IL19: variants seen among roughly 807,000 people sequenced by gnomAD.
IL19 encodes the protein interleukin 19, also known as interleukin-19.
A neutral mutation model predicts 19.5 loss-of-function variants in IL19; 15 were observed. The ratio of observed to expected loss-of-function variants is 0.77; its 90% confidence interval spans 0.52 to 1.19. IL19 has a LOEUF of 1.19. Among genes scored for constraint, IL19 ranks in the 50% most tolerant of loss-of-function variants. IL19 has a pLI of 0.00. For synonymous variants in IL19, 78 were observed against 78.3 expected (o/e 1.00, Z 0.02); for missense variants, 199 against 213.1 (o/e 0.93, Z 0.41).
intron 1 of IL19, among the ~76,000 whole-genome samples, chr1:206,779,513 A>G (rs1219020110): frequency 6.6e-6 from 1 of 152,142 alleles, no homozygotes; most frequent in Non-Finnish European, 1.5e-5. Context: ...TCACCCCAAC[A>G]CTGTCTCATC....
intron 2 of IL19, among the ~76,000 whole-genome samples, chr1:206,826,653 T>A (rs888623995): frequency 6.6e-6 from 1 of 152,178 alleles, no homozygotes; most frequent in African/African-American, 2.4e-5. Context: ...CCAGTACCCA[T>A]GGGAGAAGCT....
intron 1 of IL19, among the ~76,000 whole-genome samples, chr1:206,776,427 GGTGT>G (rs2234655): frequency 2.0e-4 from 29 of 148,424 alleles, no homozygotes; most frequent in African/African-American, 1.7e-4. Context: ...GAACTGCTGG[GGTGT>G]GTGTGTGTGT....
At chr1:206,772,216 G>A (rs1674871072) in intron 1 of IL19, 1 of 1,490,614 alleles carries the variant, frequency 6.7e-7, no homozygotes, top group Admixed American at 1.7e-5. Context: ...CCAGGAGAAT[G>A]TCTAGTTCAG....
chr1:206,809,487 C>T (rs1486532413), intron 2 of IL19, among the ~76,000 whole-genome samples: 2 of 152,206 alleles, frequency 1.3e-5, no homozygotes, highest in Admixed American at 6.5e-5. Context: ...TAGAATATTT[C>T]TCTGCCCAGC....
intron 2 of IL19, among the ~76,000 whole-genome samples, chr1:206,813,747 C>T (rs537418581): frequency 2.0e-5 from 3 of 152,188 alleles, no homozygotes; most frequent in Admixed American, 2.0e-4. Flanking sequence ...GGCTGTAGTA[C>T]CTAGTTATTT....
intron 1 of IL19, among the ~76,000 whole-genome samples, chr1:206,782,332 G>A (rs1288795002): frequency 6.6e-6 from 1 of 152,070 alleles, no homozygotes; most frequent in Non-Finnish European, 1.5e-5. Context: ...GTAATATGCC[G>A]TTTTAGTTGG....
Position 206,799,004 on chromosome 1 carries a change from G to T in IL19, c.-5G>T, listed in dbSNP as rs762542493. On this transcript the variant is annotated splice_region_variant and 5_prime_UTR_variant, in exon 2 of 7. Coordinates refer to ENST00000659997, the MANE Select transcript of IL19 (RefSeq NM_153758.5). ...CCAGTGCTTTGGGGCTCTGTTCCAC[G>T]GGGTAAGTAATTTCTGCTATAGGGA... 2.5e-6 allele frequency: 4 copies of T among 1,605,802 alleles called. No homozygotes were observed. In the Admixed American group the frequency reaches 6.7e-5, roughly 27 times the overall value.
At chr1:206,788,161 T>C (rs984472826) in intron 1 of IL19, among the ~76,000 whole-genome samples, 2 of 152,180 alleles carry the variant, frequency 1.3e-5, no homozygotes, top group Non-Finnish European at 2.9e-5. Context: ...CACATGTGTG[T>C]GCGTGTGTGA....
chr1:206,816,602 GC>G (rs1676162849), intron 2 of IL19, among the ~76,000 whole-genome samples: 1 of 151,940 alleles, frequency 6.6e-6, no homozygotes, highest in African/African-American at 2.4e-5. Context: ...TCAAAAGAAG[GC>G]AGAAAAAGGG....
intron 2 of IL19, among the ~76,000 whole-genome samples, chr1:206,812,135 C>T (rs1211303864): frequency 6.6e-6 from 1 of 152,196 alleles, no homozygotes; most frequent in Non-Finnish European, 1.5e-5. Flanking sequence ...TGGGGTTCTA[C>T]ATTACAGGAT....
intron 2 of IL19, among the ~76,000 whole-genome samples, chr1:206,820,685 T>C (rs1653699490): frequency 6.6e-6 from 1 of 152,344 alleles, no homozygotes; most frequent in South Asian, 2.1e-4. Flanking sequence ...GTGAGAACAG[T>C]GGGCCTCTAC....
At chr1:206,809,500 A>G (rs1190911961) in intron 2 of IL19, among the ~76,000 whole-genome samples, 1 of 152,202 alleles carries the variant, frequency 6.6e-6, no homozygotes, top group Non-Finnish European at 1.5e-5. Flanking sequence ...TGCCCAGCCC[A>G]CAGTTCTGGT....
At chr1:206,774,870 G>C (rs901555416) in intron 1 of IL19, among the ~76,000 whole-genome samples, 13 of 151,964 alleles carry the variant, frequency 8.6e-5, no homozygotes, top group African/African-American at 2.7e-4. Context: ...AGAAGGAGAG[G>C]GAGAGTGACT....
At chr1:206,810,189 G>A (rs779813124) in intron 2 of IL19, among the ~76,000 whole-genome samples, 7 of 152,228 alleles carry the variant, frequency 4.6e-5, no homozygotes, top group Non-Finnish European at 8.8e-5. Context: ...GTTAGACCAA[G>A]GAGGATAGAC....
In IL19 at chr1:206,775,989, T is replaced by C. The variant is rs35101374; in HGVS notation, c.-149+4911T>C. 5.5e-4 allele frequency among the ~76,000 whole-genome samples: 84 copies of C among 152,352 alleles called. 1 individual carries two copies. The highest frequency in any genetic ancestry group is 3.4e-3 in the Middle Eastern group (1 of 294). On this transcript the variant is annotated intron_variant, in intron 1 of 6. Transcript: ENST00000659997. ...CAAGCCCAGATGCATAGTAGGCATC[T>C]AATCAATGCTTATTATACTGATTTT...
chr1:206,835,474 T>C lies in IL19; in HGVS notation c.-2-1187T>C, dbSNP rs1301723252. Among the ~76,000 whole-genome samples the C allele has an allele frequency of 3.3e-5, 5 of 152,226 alleles. No homozygotes were observed. The East Asian group carries it at 9.6e-4, about 29-fold the overall frequency. ...GTTTCTAAACAGGATTTGCTGTTTC[T>C]GGCTTTCCAGAGGAGCTGGGAATCC... On this transcript the variant is annotated intron_variant, in intron 2 of 6. Coordinates refer to ENST00000659997, the MANE Select transcript of IL19 (RefSeq NM_153758.5).
At position 206,786,922 on chromosome 1, in the gene IL19, T is replaced by G. The variant is rs550340797; in HGVS notation, c.-148-11939T>G. ...ACAGAACGCATTCTTAAAGTCTTAG[T>G]TTTTCCAAACCACCAAGCCAGGTTC... On this transcript the variant is annotated intron_variant, in intron 1 of 6. Coordinates refer to ENST00000659997, the MANE Select transcript of IL19 (RefSeq NM_153758.5). 9.9e-5 allele frequency among the ~76,000 whole-genome samples: 15 copies of G among 152,166 alleles called. No individual in the cohort carries two copies. In the South Asian group the frequency reaches 3.1e-3, roughly 32 times the overall value.
At chr1:206,776,829 A>G (rs1675010861) in intron 1 of IL19, among the ~76,000 whole-genome samples, 1 of 149,638 alleles carries the variant, frequency 6.7e-6, no homozygotes, top group Non-Finnish European at 1.5e-5. Context: ...CCGGGCATCC[A>G]AGCCGGCAAT....
chr1:206,782,463 T>C (rs1675170338), intron 1 of IL19, among the ~76,000 whole-genome samples: 1 of 152,170 alleles, frequency 6.6e-6, no homozygotes, highest in Admixed American at 6.5e-5. Flanking sequence ...AGGAGGAGAA[T>C]GATCAAAGTG....
Sources: allele counts gnomAD v4.1 joint callset (sites outside exome capture counted in the v4.1 genomes callset), GRCh38; gene constraint gnomAD v4.1.1; transcripts MANE v1.5; gene names NCBI Gene and HGNC (gene_info 2026-07-23, HGNC 2026-07-21).